Variants in CACNB4 observed in about 807,000 individuals in gnomAD.
CACNB4 encodes the protein voltage-dependent L-type calcium channel subunit beta-4.
A neutral mutation model predicts 71.2 loss-of-function variants in CACNB4; 32 were observed. The observed-to-expected ratio is 0.45, with a 90% CI of 0.34 to 0.60. The LOEUF is 0.60. CACNB4 is among the 20% of genes least tolerant of loss of function. CACNB4 has a pLI of 0.01. For synonymous variants in CACNB4, 231 were observed against 236.9 expected (o/e 0.97, Z 0.23); for missense variants, 464 against 647.9 (o/e 0.72, Z 3.08).
At chr2:151,904,966 A>C (rs188659954) in intron 2 of CACNB4, among the ~76,000 whole-genome samples, 88 of 152,298 alleles carry the variant, frequency 5.8e-4, no homozygotes, top group African/African-American at 2.1e-3. Context: ...AACATTCTGA[A>C]ATGTAATGCA....
At chr2:152,042,831 C>T (rs1879136) in intron 2 of CACNB4, among the ~76,000 whole-genome samples, 73,888 of 151,756 alleles carry the variant, frequency 0.49, 18,804 homozygotes, top group Non-Finnish European at 0.57. Context: ...CAGGGTAAGA[C>T]AGGAGGTCGG....
intron 2 of CACNB4, among the ~76,000 whole-genome samples, chr2:151,956,328 G>A (rs1315546050): frequency 6.6e-6 from 1 of 152,178 alleles, no homozygotes; most frequent in Non-Finnish European, 1.5e-5. Flanking sequence ...GATAAAATGT[G>A]ATATATCCAT....
chr2:151,923,008 G>A lies in CACNB4; in HGVS notation c.148-39638C>T, dbSNP rs553939631. On this transcript the variant is annotated intron_variant, in intron 2 of 13. Transcript: ENST00000539935. ...AACTGTGCTCACTCCCTGCCCAGTT[G>A]TGCAATACCCAGAACTCTGAAGAAA... Among the ~76,000 whole-genome samples, 7 of 152,348 alleles carry A rather than the reference G, an allele frequency of 4.6e-5. No homozygotes were observed. The South Asian group carries it at 1.2e-3, about 27-fold the overall frequency.
At chr2:151,984,909 C>T (rs528142416) in intron 2 of CACNB4, among the ~76,000 whole-genome samples, 1 of 152,234 alleles carries the variant, frequency 6.6e-6, no homozygotes, top group East Asian at 1.9e-4. Context: ...CCTGTTTCTT[C>T]TTATGCTGGA....
At chr2:152,057,453 A>G (rs1431980764) in intron 2 of CACNB4, among the ~76,000 whole-genome samples, 1 of 152,094 alleles carries the variant, frequency 6.6e-6, no homozygotes, top group Non-Finnish European at 1.5e-5. Flanking sequence ...AAATAAACAA[A>G]CTGCCCCTTC....
chr2:152,062,200 C>T (rs539069708), intron 2 of CACNB4, among the ~76,000 whole-genome samples: 1 of 151,694 alleles, frequency 6.6e-6, no homozygotes, highest in East Asian at 1.9e-4. Flanking sequence ...AGTGAATAAA[C>T]ACATGCTAAT....
chr2:152,056,422 G>GT (rs1339680318), intron 2 of CACNB4, among the ~76,000 whole-genome samples: 1 of 151,686 alleles, frequency 6.6e-6, no homozygotes. Flanking sequence ...TGCTTTGTCA[G>GT]TTTATCCGCT....
chr2:152,085,805 G>A (rs1386228152), intron 2 of CACNB4, among the ~76,000 whole-genome samples: 1 of 138,284 alleles, frequency 7.2e-6, no homozygotes, highest in African/African-American at 2.6e-5. Context: ...ATAACCTGCT[G>A]CAGCCATTAA....
chr2:151,865,541 C>A (rs1156548908), intron 9 of CACNB4, among the ~76,000 whole-genome samples: 2 of 151,276 alleles, frequency 1.3e-5, no homozygotes, highest in Non-Finnish European at 2.9e-5. Flanking sequence ...CAAACTGCAA[C>A]TGGTTTGACT....
intron 2 of CACNB4, among the ~76,000 whole-genome samples, chr2:151,996,743 C>A (rs1025175878): frequency 2.6e-5 from 4 of 152,128 alleles, no homozygotes; most frequent in Non-Finnish European, 5.9e-5. Context: ...GAATATTTTT[C>A]TTATTTTCTG....
At chr2:152,052,383 C>T (rs998396345) in intron 2 of CACNB4, among the ~76,000 whole-genome samples, 3 of 152,102 alleles carry the variant, frequency 2.0e-5, no homozygotes, top group African/African-American at 7.2e-5. Flanking sequence ...TCACTGTAAC[C>T]TCCACCTCCC....
chr2:152,088,444 T>C (rs760332500), intron 2 of CACNB4, among the ~76,000 whole-genome samples: 2 of 152,236 alleles, frequency 1.3e-5, no homozygotes, highest in Non-Finnish European at 2.9e-5. Flanking sequence ...TCATAATATA[T>C]GGACACAGTA....
At position 152,079,245 on chromosome 2, in the gene CACNB4, C is replaced by T. The variant is rs111929598; in HGVS notation, c.147+19085G>A. 5.5e-4 allele frequency among the ~76,000 whole-genome samples: 84 copies of T among 152,072 alleles called. 1 individual carries two copies. Among genetic ancestry groups the T allele is most frequent in the Non-Finnish European group, 1.1e-3 (77 of 67,982 alleles). ...CTGAGACTACAGGTACCCGCCACCA[C>T]GCCCAGCTGATTTTTTGTATTTTTA... is the stretch of plus-strand genomic sequence containing the variant. On this transcript the variant is annotated intron_variant, in intron 2 of 13. Transcript: ENST00000539935.
chr2:151,903,003 A>G lies in CACNB4; in HGVS notation c.148-19633T>C, dbSNP rs531662059. On this transcript the variant is annotated intron_variant, in intron 2 of 13. Transcript: ENST00000539935. ...GGATTGCTCGCCAATTTCTCCTAGC[A>G]ATTTGGAAGTTTCCAGATAAGAAAT... Among the ~76,000 whole-genome samples, 7 of 152,264 alleles carry G rather than the reference A, an allele frequency of 4.6e-5. No homozygotes were observed. The South Asian group carries it at 1.5e-3, about 32-fold the overall frequency.
chr2:152,012,305 G>A (rs13027217), intron 2 of CACNB4, among the ~76,000 whole-genome samples: 61,513 of 151,968 alleles, frequency 0.4, 15,451 homozygotes, highest in Non-Finnish European at 0.57. Flanking sequence ...GTGCATGCTT[G>A]TGTGTTAGTT....
intron 2 of CACNB4, among the ~76,000 whole-genome samples, chr2:152,020,624 G>A (rs1683607910): frequency 6.6e-6 from 1 of 152,228 alleles, no homozygotes; most frequent in Non-Finnish European, 1.5e-5. Context: ...AGAATGGGAT[G>A]TACTTTGGTG....
At chr2:151,849,783 T>G (rs924234239) in intron 12 of CACNB4, among the ~76,000 whole-genome samples, 1 of 152,178 alleles carries the variant, frequency 6.6e-6, no homozygotes, top group Non-Finnish European at 1.5e-5. Context: ...CAAGTGGCCA[T>G]TGTTTGAAGT....
At chr2:151,953,045 T>C (rs1319178036) in intron 2 of CACNB4, among the ~76,000 whole-genome samples, 2 of 152,134 alleles carry the variant, frequency 1.3e-5, no homozygotes, top group Admixed American at 6.5e-5. Flanking sequence ...AGGTGGGGTA[T>C]TAGGAGTGCA....
chr2:151,870,398 C>A, intron 8 of CACNB4, 133 bp downstream of exon 8: 1 of 747,408 alleles, frequency 1.3e-6, no homozygotes, highest in Non-Finnish European at 2.4e-6. Flanking sequence ...ACACGGTACC[C>A]CCTGCCTTCC....
Sources: gnomAD v4.1 joint callset for allele counts (sites outside exome capture counted in the v4.1 genomes callset) on GRCh38, gnomAD v4.1.1 for gene constraint, MANE v1.5 for transcripts, NCBI Gene and HGNC (gene_info 2026-07-23, HGNC 2026-07-21) for gene names.